The following DPP6 variants were observed in gnomAD, a reference collection of about 807,000 sequenced individuals.
DPP6 encodes the protein dipeptidyl peptidase like 6.
A neutral mutation model predicts 122.6 loss-of-function variants in DPP6; 69 were observed. The ratio of observed to expected loss-of-function variants is 0.56; its 90% CI spans 0.46 to 0.69. The LOEUF (loss-of-function observed/expected upper bound fraction) is 0.69. DPP6 is among the 30% of genes least tolerant of loss of function. The pLI is 0.00. For missense variants in DPP6, 928 were observed against 1,116.9 expected (o/e 0.83, Z 2.41); for synonymous variants, 418 against 433.1 (o/e 0.97, Z 0.43).
At chr7:154,291,109 A>C (rs920250357) in intron 1 of DPP6, among the ~76,000 whole-genome samples, 1 of 152,106 alleles carries the variant, frequency 6.6e-6, no homozygotes, top group African/African-American at 2.4e-5. Context: ...AAACAATCCC[A>C]TAAGAATTCC....
Position 154,011,848 on chromosome 7 carries a change from A to C in DPP6, c.51+124114A>C, listed in dbSNP as rs148103281. On this transcript the variant is annotated intron_variant, in intron 1 of 25. Transcript: ENST00000404039. ...CCATTCTTCATTTCACAGACGAGAAAATGAGTTTCAGAGATGCAAACATTC... is the reference window on the plus strand; with the variant it reads ...CCATTCTTCATTTCACAGACGAGAACATGAGTTTCAGAGATGCAAACATTC... Among the ~76,000 whole-genome samples the C allele has an allele frequency of 1.1e-3, 172 of 152,346 alleles. 1 individual carries two copies. Among genetic ancestry groups the C allele is most frequent in the African/African-American group, 3.8e-3 (160 of 41,572 alleles).
intron 1 of DPP6, among the ~76,000 whole-genome samples, chr7:154,099,171 G>A (rs1227568983): frequency 1.3e-5 from 2 of 152,158 alleles, no homozygotes; most frequent in African/African-American, 4.8e-5. Context: ...GAGGATAATC[G>A]ACTCTATTAT....
chr7:154,319,627 G>A (rs1297779589), intron 1 of DPP6, among the ~76,000 whole-genome samples: 8 of 151,956 alleles, frequency 5.3e-5, no homozygotes, highest in Admixed American at 5.2e-4. Context: ...CCCAGGAGGC[G>A]GAGGTTGTAG....
chr7:153,916,133 A>G lies in DPP6; in HGVS notation c.51+28399A>G, dbSNP rs1285273591. On this transcript the variant is annotated intron_variant, in intron 1 of 25. Transcript: ENST00000404039. ...AGGCGCCCGCCACTGCGCCTGGCTA[A>G]TGTTTTTTTTTTTGTATTTTTAGTA... Among the ~76,000 whole-genome samples the G allele has an allele frequency of 5.3e-5, 8 of 150,232 alleles. No individual in the cohort carries two copies. In the East Asian group the frequency reaches 1.6e-3, roughly 30 times the overall value.
chr7:153,862,128 C>T, the DPP6 span, among the ~76,000 whole-genome samples: 57 of 152,152 alleles, frequency 3.7e-4, no homozygotes, highest in South Asian at 7.9e-3. Flanking sequence ...ATTTGGACTT[C>T]AGAAAAGCAG....
At chr7:154,715,177 C>T (rs1361874559) in intron 7 of DPP6, among the ~76,000 whole-genome samples, 1 of 152,146 alleles carries the variant, frequency 6.6e-6, no homozygotes, top group East Asian at 1.9e-4. Context: ...AGTGAATCTC[C>T]TGCCTTAGCC....
At chr7:153,802,598 A>G in the DPP6 span, among the ~76,000 whole-genome samples, 8 of 151,988 alleles carry the variant, frequency 5.3e-5, no homozygotes, top group Non-Finnish European at 1.5e-5. Context: ...CCTTTACTCA[A>G]TTATTGATGT....
intron 15 of DPP6, among the ~76,000 whole-genome samples, chr7:154,805,287 C>T (rs1053126564): frequency 6.7e-6 from 1 of 148,916 alleles, no homozygotes; most frequent in Non-Finnish European, 1.5e-5. Flanking sequence ...AGGAATTCTG[C>T]CCCCCCTGCC....
intron 4 of DPP6, among the ~76,000 whole-genome samples, chr7:154,563,314 G>C (rs1830545623): frequency 2.0e-5 from 3 of 152,214 alleles, no homozygotes; most frequent in Admixed American, 2.0e-4. Flanking sequence ...AATACTGGGA[G>C]ATGGATGCAG....
chr7:153,935,341 G>GCGTT (rs1801383235), intron 1 of DPP6, among the ~76,000 whole-genome samples: 1 of 152,086 alleles, frequency 6.6e-6, no homozygotes, highest in Non-Finnish European at 1.5e-5. Context: ...TCTAACCCTA[G>GCGTT]CGTTAGTCAT....
intron 1 of DPP6, among the ~76,000 whole-genome samples, chr7:153,977,757 C>G (rs1450801121): frequency 6.6e-6 from 1 of 152,046 alleles, no homozygotes; most frequent in African/African-American, 2.4e-5. Flanking sequence ...CTCACTGTGC[C>G]CATTTGTTCT....
At chr7:154,263,358 G>C (rs1211158945) in intron 1 of DPP6, among the ~76,000 whole-genome samples, 1 of 152,208 alleles carries the variant, frequency 6.6e-6, no homozygotes. Flanking sequence ...GAGCTGATTA[G>C]AACAGGTTAG....
At chr7:153,756,162 C>A in the DPP6 span, among the ~76,000 whole-genome samples, 1 of 151,768 alleles carries the variant, frequency 6.6e-6, no homozygotes, top group East Asian at 1.9e-4. Context: ...ATCCCTACAC[C>A]TCCCTGTTCC....
At chr7:154,622,622 C>T (rs904377554) in intron 5 of DPP6, among the ~76,000 whole-genome samples, 10 of 152,194 alleles carry the variant, frequency 6.6e-5, no homozygotes, top group East Asian at 5.8e-4. Flanking sequence ...CAAACATCCC[C>T]GTCTCTTCCT....
At chr7:154,276,212 A>T (rs1178376671) in intron 1 of DPP6, among the ~76,000 whole-genome samples, 2 of 152,314 alleles carry the variant, frequency 1.3e-5, no homozygotes, top group East Asian at 3.9e-4. Flanking sequence ...GTAGTTAATA[A>T]TCCCATTTTA....
chr7:153,995,360 G>A (rs949239145), intron 1 of DPP6, among the ~76,000 whole-genome samples: 4 of 152,166 alleles, frequency 2.6e-5, no homozygotes, highest in African/African-American at 9.7e-5. Context: ...GCCGAGGCGG[G>A]TGGATCACAA....
intron 1 of DPP6, among the ~76,000 whole-genome samples, chr7:154,086,932 T>C (rs1243656335): frequency 1.3e-5 from 2 of 152,322 alleles, no homozygotes; most frequent in Non-Finnish European, 2.9e-5. Flanking sequence ...CAGGGATCTG[T>C]TAAATATCTC....
chr7:153,795,458 TA>T, the DPP6 span, among the ~76,000 whole-genome samples: 1 of 152,204 alleles, frequency 6.6e-6, no homozygotes, highest in Non-Finnish European at 1.5e-5. Context: ...CCACCTCTTT[TA>T]TTTTTAATAT....
chr7:154,229,778 C>CT (rs1035177286), intron 1 of DPP6, among the ~76,000 whole-genome samples: 9 of 151,626 alleles, frequency 5.9e-5, no homozygotes, highest in South Asian at 2.1e-4. Flanking sequence ...CTGATGGAGG[C>CT]TTTTTTTTCA....
Sources: allele counts gnomAD v4.1 joint callset (sites outside exome capture counted in the v4.1 genomes callset), GRCh38; gene constraint gnomAD v4.1.1; transcripts MANE v1.5; gene names NCBI Gene and HGNC (gene_info 2026-07-23, HGNC 2026-07-21).